The following MEGF11 variants were observed in gnomAD, a reference collection of about 807,000 sequenced individuals.
The protein encoded by MEGF11 is multiple EGF like domains 11, also known as multiple epidermal growth factor-like domains protein 11.
MEGF11 carries 126 observed loss-of-function variants against 146.6 expected under a neutral mutation model. The observed-to-expected ratio is 0.86, with a 90% confidence interval of 0.74 to 1.00. The LOEUF (loss-of-function observed/expected upper bound fraction) is 1.00. Among genes scored for constraint, MEGF11 ranks in the 50% least tolerant of loss-of-function variants. MEGF11 has a pLI of 0.00. For missense variants in MEGF11, 1,509 were observed against 1,521.2 expected (o/e 0.99, Z 0.13); for synonymous variants, 532 against 583.4 (o/e 0.91, Z 1.27).
At chr15:66,227,145 C>A (rs1381741374) in intron 1 of MEGF11, among the ~76,000 whole-genome samples, 2 of 152,160 alleles carry the variant, frequency 1.3e-5, no homozygotes, top group African/African-American at 4.8e-5. Context: ...ATGGGAACAT[C>A]TTTTATTAGG....
chr15:66,031,451 A>G (rs2083515772), intron 5 of MEGF11, among the ~76,000 whole-genome samples: 1 of 152,212 alleles, frequency 6.6e-6, no homozygotes, highest in Non-Finnish European at 1.5e-5. Flanking sequence ...ACTCTCTCCC[A>G]TGGAGGCCGG....
intron 1 of MEGF11, among the ~76,000 whole-genome samples, chr15:66,198,092 G>GT (rs1395685929): frequency 2.0e-5 from 3 of 152,180 alleles, no homozygotes; most frequent in African/African-American, 7.2e-5. Context: ...AATTGAAACA[G>GT]TTTTTCCAAT....
rs773887920 is a variant in MEGF11, at chr15:65,913,935, T to C, written c.2512A>G (p.Ile838Val). The C allele has an allele frequency of 9.3e-6, 15 of 1,613,852 alleles. No individual in the cohort carries two copies. The East Asian group carries it at 1.3e-4, about 14-fold the overall frequency. ...CGCTCTGCACCCAGTGCTGGGCTGA[T>C]CTTGGTGTAGGGATTCAGCTCCTCC... Reference protein sequence around the residue: ...MMEELNPYTKISPALGAERHS... With the variant: ...MMEELNPYTKVSPALGAERHS... Residue 838 changes from isoleucine (I) to valine (V), a missense_variant, in exon 20 of 26, where the codon ATC becomes GTC. Transcript: ENST00000395614.
chr15:66,119,280 T>C (rs1169510302), intron 3 of MEGF11, 94 bp from the exon 4 acceptor site: 3 of 839,782 alleles, frequency 3.6e-6, no homozygotes, highest in Non-Finnish European at 5.6e-6. Context: ...GAGGATGCCA[T>C]TCAATAATTA....
intron 5 of MEGF11, among the ~76,000 whole-genome samples, chr15:66,022,037 G>A (rs537196544): frequency 6.6e-6 from 1 of 152,304 alleles, no homozygotes; most frequent in South Asian, 2.1e-4. Context: ...TGATGAGGAG[G>A]CTCTGTCTAG....
chr15:65,922,187 C>T, intron 15 of MEGF11, 151 bp downstream of exon 15: 2 of 854,648 alleles, frequency 2.3e-6, no homozygotes, highest in Admixed American at 5.4e-5. Flanking sequence ...CCATGTGGGG[C>T]TCAATTCTCA....
intron 1 of MEGF11, among the ~76,000 whole-genome samples, chr15:66,238,695 C>G (rs183387474): frequency 2.0e-3 from 306 of 152,328 alleles, no homozygotes; most frequent in African/African-American, 7.1e-3. Flanking sequence ...AAGGGTGTCT[C>G]CCCTAGATAT....
chr15:65,989,575 A>C (rs1303939203), intron 5 of MEGF11, among the ~76,000 whole-genome samples: 1 of 152,194 alleles, frequency 6.6e-6, no homozygotes, highest in Non-Finnish European at 1.5e-5. Context: ...CTGATAAATA[A>C]AGTGACTTCC....
intron 8 of MEGF11, among the ~76,000 whole-genome samples, chr15:65,970,088 G>A (rs188699656): frequency 5.9e-5 from 9 of 152,168 alleles, no homozygotes; most frequent in East Asian, 5.8e-4. Flanking sequence ...CATTGGCACC[G>A]TCCTTCAGTC....
rs549234280 is a variant in MEGF11, at chr15:66,123,976, C to T, written c.123G>A (p.Ser41=). ...WESYAVTVQE[S]YAHPFDQIYY... The stretch of plus-strand genomic sequence containing the variant: ...AGATCTGATCGAAGGGGTGTGCATA[C>T]GATTCCTGGACAGTCACAGCATAGC... The change falls in exon 3 of 26, where the codon TCG becomes TCA. Residue 41 remains serine (S), a synonymous_variant. Coordinates refer to ENST00000395614, the MANE Select transcript of MEGF11 (RefSeq NM_001385028.1). 2.9e-5 allele frequency: 46 copies of T among 1,613,760 alleles called. No homozygotes were observed. Among genetic ancestry groups the T allele is most frequent in the South Asian group, 3.3e-5 (3 of 91,074 alleles).
At chr15:66,174,749 G>A (rs976328795) in intron 1 of MEGF11, among the ~76,000 whole-genome samples, 2 of 152,048 alleles carry the variant, frequency 1.3e-5, no homozygotes, top group Non-Finnish European at 2.9e-5. Flanking sequence ...CATTCCAAAA[G>A]GAGTCAAAAC....
intron 1 of MEGF11, among the ~76,000 whole-genome samples, chr15:66,178,547 G>A (rs2090454475): frequency 6.6e-6 from 1 of 152,236 alleles, no homozygotes; most frequent in African/African-American, 2.4e-5. Context: ...TCCCCTGAAT[G>A]TGGCATGCAC....
chr15:65,922,974 G>T lies in MEGF11; in HGVS notation c.1676-5C>A. On this transcript the variant is annotated splice_region_variant and splice_polypyrimidine_tract_variant and intron_variant, in intron 13 of 25. Coordinates refer to ENST00000395614, the MANE Select transcript of MEGF11 (RefSeq NM_001385028.1). ...ACGTGCTGTCACAGCGGATGCCTGT[G>T]GGCCAGAGGCAGACTCGGGTCAGTG... The T allele has an allele frequency of 6.2e-7, 1 of 1,612,020 alleles. No individual in the cohort carries two copies. The highest frequency in any genetic ancestry group is 1.1e-5 in the South Asian group (1 of 90,776).
chr15:65,940,185 GTTGCTTCTGT>G (rs1369505716), intron 10 of MEGF11, among the ~76,000 whole-genome samples: 20 of 152,178 alleles, frequency 1.3e-4, no homozygotes. Context: ...AGTGGCTCTG[GTTGCTTCTGT>G]TCATCACCCC....
chr15:65,942,944 AAAC>A (rs1205495883), intron 10 of MEGF11, among the ~76,000 whole-genome samples: 1 of 151,678 alleles, frequency 6.6e-6, no homozygotes, highest in African/African-American at 2.4e-5. Flanking sequence ...AAACAAAACA[AAAC>A]AAAACAAAAA....
chr15:65,907,012 G>A (rs1415733382), intron 23 of MEGF11, among the ~76,000 whole-genome samples: 2 of 152,192 alleles, frequency 1.3e-5, no homozygotes, highest in Non-Finnish European at 2.9e-5. Context: ...GGTTGGGACA[G>A]TAATGACTCT....
chr15:65,956,810 GAAC>G (rs996531970), intron 10 of MEGF11, among the ~76,000 whole-genome samples: 35 of 152,308 alleles, frequency 2.3e-4, no homozygotes, highest in African/African-American at 7.7e-4. Flanking sequence ...ATGCAAATTA[GAAC>G]AACATTGAGG....
intron 17 of MEGF11, 36 bp downstream of exon 17, chr15:65,916,789 GTAT>G (rs762967302): frequency 1.8e-5 from 29 of 1,606,942 alleles, no homozygotes; most frequent in Non-Finnish European, 2.3e-5. Flanking sequence ...CCGCAGCATG[GTAT>G]TCTAAGTGGC....
At chr15:65,918,241 C>G (rs990154618) in intron 15 of MEGF11, 147 bp from the exon 16 acceptor site, 1 of 1,043,892 alleles carries the variant, frequency 9.6e-7, no homozygotes, top group Non-Finnish European at 1.4e-6. Context: ...CGCCTTGGTA[C>G]CCTTGTCACC....
Sources: gnomAD v4.1 joint callset for allele counts (sites outside exome capture counted in the v4.1 genomes callset) on GRCh38, gnomAD v4.1.1 for gene constraint, MANE v1.5 for transcripts, NCBI Gene and HGNC (gene_info 2026-07-23, HGNC 2026-07-21) for gene names.